GALNT17: variants seen among roughly 807,000 people sequenced by gnomAD.
GALNT17 encodes the protein polypeptide N-acetylgalactosaminyltransferase 17.
A neutral mutation model predicts 63.7 loss-of-function variants in GALNT17; 29 were observed. The ratio of observed to expected loss-of-function variants is 0.46; its 90% CI spans 0.34 to 0.62. The LOEUF (loss-of-function observed/expected upper bound fraction) is 0.62. GALNT17 is among the 20% of genes least tolerant of loss of function. The pLI is 0.01. For missense variants in GALNT17, 603 were observed against 799.6 expected (o/e 0.75, Z 2.97); for synonymous variants, 305 against 318.3 (o/e 0.96, Z 0.45).
At chr7:71,663,011 T>TGTTGA (rs1190921203) in intron 6 of GALNT17, among the ~76,000 whole-genome samples, 45 of 152,334 alleles carry the variant, frequency 3.0e-4, no homozygotes, top group Admixed American at 8.5e-4. Flanking sequence ...TAGTTGACCA[T>TGTTGA]AAGTGTGAGA....
At chr7:71,427,723 G>A (rs1786785248) in intron 5 of GALNT17, among the ~76,000 whole-genome samples, 1 of 152,082 alleles carries the variant, frequency 6.6e-6, no homozygotes, top group Admixed American at 6.6e-5. Context: ...CTCACAGCAG[G>A]AGGTGAGTGG....
chr7:71,275,441 T>G (rs1790665569), intron 1 of GALNT17, among the ~76,000 whole-genome samples: 1 of 152,204 alleles, frequency 6.6e-6, no homozygotes, highest in Non-Finnish European at 1.5e-5. Flanking sequence ...AGGCCCCACC[T>G]TCAGACCCTG....
At chr7:71,323,032 G>C (rs1295919218) in intron 1 of GALNT17, among the ~76,000 whole-genome samples, 1 of 149,614 alleles carries the variant, frequency 6.7e-6, no homozygotes, top group Non-Finnish European at 1.5e-5. Flanking sequence ...GTTTAGCCTG[G>C]AAAAAAAAAG....
At chr7:71,285,348 A>G (rs1790854296) in intron 1 of GALNT17, among the ~76,000 whole-genome samples, 1 of 152,170 alleles carries the variant, frequency 6.6e-6, no homozygotes, top group Non-Finnish European at 1.5e-5. Flanking sequence ...AAGAGTTGTA[A>G]TTGAGAAAAT....
chr7:71,269,892 A>G (rs1014379699), intron 1 of GALNT17, among the ~76,000 whole-genome samples: 6 of 152,178 alleles, frequency 3.9e-5, no homozygotes, highest in Admixed American at 2.0e-4. Context: ...AAACCTAACA[A>G]GAGCACAAAG....
At chr7:71,429,120 T>C (rs1221802595) in intron 5 of GALNT17, among the ~76,000 whole-genome samples, 6 of 152,344 alleles carry the variant, frequency 3.9e-5, no homozygotes, top group Admixed American at 3.9e-4. Flanking sequence ...ACAGCATCTA[T>C]TGTCAGAATG....
chr7:71,455,836 G>A (rs1011885897), intron 5 of GALNT17, among the ~76,000 whole-genome samples: 5 of 152,182 alleles, frequency 3.3e-5, no homozygotes, highest in Non-Finnish European at 7.3e-5. Flanking sequence ...AGTAGAGCTG[G>A]ATCAAACTTT....
At chr7:71,591,790 G>A (rs1416634205) in intron 6 of GALNT17, among the ~76,000 whole-genome samples, 1 of 152,040 alleles carries the variant, frequency 6.6e-6, no homozygotes, top group Non-Finnish European at 1.5e-5. Context: ...AGCCTCCTGG[G>A]TAGCTGGGAT....
At chr7:71,389,263 A>G (rs1009913028) in intron 3 of GALNT17, among the ~76,000 whole-genome samples, 7 of 151,934 alleles carry the variant, frequency 4.6e-5, no homozygotes, top group African/African-American at 1.7e-4. Flanking sequence ...CCTCCCGAGT[A>G]GCTGGGACTG....
chr7:71,556,174 A>G (rs1453135305), intron 5 of GALNT17, among the ~76,000 whole-genome samples: 1 of 152,252 alleles, frequency 6.6e-6, no homozygotes, highest in Non-Finnish European at 1.5e-5. Flanking sequence ...GCCATCAGAA[A>G]GCTGTCTTCT....
chr7:71,360,344 A>G (rs1282587627), intron 2 of GALNT17, among the ~76,000 whole-genome samples: 1 of 152,096 alleles, frequency 6.6e-6, no homozygotes, highest in Non-Finnish European at 1.5e-5. Context: ...TAACTACTAA[A>G]TAAAAGGAAA....
At chr7:71,590,664 C>T (rs1324331310) in intron 6 of GALNT17, among the ~76,000 whole-genome samples, 40 of 152,164 alleles carry the variant, frequency 2.6e-4, no homozygotes, top group Admixed American at 2.6e-3. Context: ...CTATTTAGGG[C>T]ACAACTATTT....
At chr7:71,619,636 T>C (rs746635776) in intron 6 of GALNT17, among the ~76,000 whole-genome samples, 9 of 152,230 alleles carry the variant, frequency 5.9e-5, no homozygotes, top group Non-Finnish European at 1.3e-4. Context: ...TTTTGTACAT[T>C]GATTTTGTAT....
At chr7:71,140,175 T>C (rs1391165081) in intron 1 of GALNT17, among the ~76,000 whole-genome samples, 4 of 151,742 alleles carry the variant, frequency 2.6e-5, no homozygotes, top group Admixed American at 1.3e-4. Flanking sequence ...AGAGGGCACA[T>C]GTGCATATTA....
intron 5 of GALNT17, among the ~76,000 whole-genome samples, chr7:71,483,924 A>G (rs1320994476): frequency 6.6e-6 from 1 of 152,100 alleles, no homozygotes; most frequent in Non-Finnish European, 1.5e-5. Flanking sequence ...ACATTAGCCT[A>G]GGCCTACACA....
chr7:71,707,136 A>G (rs1791732540), intron 9 of GALNT17, among the ~76,000 whole-genome samples: 1 of 149,510 alleles, frequency 6.7e-6, no homozygotes, highest in Non-Finnish European at 1.5e-5. Context: ...TTCTCTTTAC[A>G]ATGGTTAGAA....
At chr7:71,332,551 T>C (rs1791824627) in intron 1 of GALNT17, among the ~76,000 whole-genome samples, 1 of 152,178 alleles carries the variant, frequency 6.6e-6, no homozygotes, top group South Asian at 2.1e-4. Context: ...TTAAAATCGT[T>C]TTATTGAGTG....
chr7:71,631,106 A>G (rs76838732), intron 6 of GALNT17, among the ~76,000 whole-genome samples: 3,571 of 152,290 alleles, frequency 0.023, 149 homozygotes, highest in African/African-American at 0.081. Flanking sequence ...AGAGATTGGA[A>G]GGGAGAGGGG....
intron 6 of GALNT17, among the ~76,000 whole-genome samples, chr7:71,647,152 C>T (rs1790690914): frequency 6.6e-6 from 1 of 151,920 alleles, no homozygotes; most frequent in African/African-American, 2.4e-5. Flanking sequence ...GCAACCTCCA[C>T]CTCCCAGGTT....
Sources: allele counts gnomAD v4.1 joint callset (sites outside exome capture counted in the v4.1 genomes callset), GRCh38; gene constraint gnomAD v4.1.1; transcripts MANE v1.5; gene names NCBI Gene and HGNC (gene_info 2026-07-23, HGNC 2026-07-21).